The following ADGRL2 variants were observed in gnomAD, a reference collection of about 807,000 sequenced individuals.
ADGRL2 encodes the protein calcium-independent alpha-latrotoxin receptor 2.
In ADGRL2, 44 loss-of-function variants were observed where a neutral mutation model predicts 157.4. That is an observed-to-expected ratio of 0.28 (90% CI 0.22 to 0.36). The LOEUF (loss-of-function observed/expected upper bound fraction) is 0.36, where lower values mean the gene tolerates loss of function less well. Ranked by LOEUF, ADGRL2 falls within the 10% of genes least tolerant of loss-of-function variation. The probability of loss-of-function intolerance (pLI) is 1.00; values close to 1 mark genes in which losing one functional copy is unlikely to be tolerated. For missense variants in ADGRL2, 1,510 were observed against 1,768.9 expected (o/e 0.85, Z 2.63); for synonymous variants, 585 against 624.7 (o/e 0.94, Z 0.95).
chr1:81,906,781 A>T (rs529104554), intron 2 of ADGRL2, among the ~76,000 whole-genome samples: 14 of 152,274 alleles, frequency 9.2e-5, no homozygotes, highest in African/African-American at 3.4e-4. Context: ...TTAGTTTCTG[A>T]TTATACAGAA....
At chr1:81,322,125 C>CACATATATAT (rs60155078) in intron 1 of ADGRL2, among the ~76,000 whole-genome samples, 7 of 119,620 alleles carry the variant, frequency 5.9e-5, no homozygotes, top group East Asian at 2.4e-4. Context: ...TATATATATA[C>CACATATATAT]ACACACACAC....
chr1:81,916,022 C>T (rs1042181205), intron 3 of ADGRL2, among the ~76,000 whole-genome samples: 2 of 152,096 alleles, frequency 1.3e-5, no homozygotes, highest in Admixed American at 1.3e-4. Context: ...TACACTAAAA[C>T]ATCGGTTTCT....
At chr1:81,948,237 A>G (rs1383038957) in intron 6 of ADGRL2, among the ~76,000 whole-genome samples, 1 of 141,696 alleles carries the variant, frequency 7.1e-6, no homozygotes, top group Non-Finnish European at 1.5e-5. Flanking sequence ...CAAAAACAAA[A>G]AGGTGAAAAG....
chr1:81,560,455 C>T (rs932212805), intron 2 of ADGRL2, among the ~76,000 whole-genome samples: 6 of 152,128 alleles, frequency 3.9e-5, no homozygotes, highest in East Asian at 1.9e-4. Flanking sequence ...TGTTCAATAG[C>T]GGCCTAGAGC....
intron 4 of ADGRL2, among the ~76,000 whole-genome samples, chr1:81,937,317 C>A (rs1317368411): frequency 6.6e-6 from 1 of 151,758 alleles, no homozygotes; most frequent in Admixed American, 6.6e-5. Context: ...TTTAAGGGAG[C>A]ATTTCTTTAT....
intron 2 of ADGRL2, among the ~76,000 whole-genome samples, chr1:81,857,981 G>A (rs1283807774): frequency 1.3e-5 from 2 of 151,768 alleles, no homozygotes; most frequent in South Asian, 2.1e-4. Context: ...AAAATGTATG[G>A]GAATGTATTT....
intron 2 of ADGRL2, among the ~76,000 whole-genome samples, chr1:81,555,606 A>T (rs1297874963): frequency 2.0e-5 from 3 of 151,988 alleles, no homozygotes; most frequent in Admixed American, 2.0e-4. Flanking sequence ...TTCGACAGAG[A>T]ATTTGAGGCG....
chr1:81,965,956 C>A, intron 11 of ADGRL2, 102 bp from the exon 12 acceptor site: 1 of 1,207,126 alleles, frequency 8.3e-7, no homozygotes, highest in Non-Finnish European at 1.1e-6. Context: ...TTTAAGTAGG[C>A]AAAAAGAAAA....
chr1:81,632,836 G>A (rs895581884), intron 3 of ADGRL2, among the ~76,000 whole-genome samples: 11 of 152,158 alleles, frequency 7.2e-5, no homozygotes, highest in Admixed American at 3.3e-4. Context: ...GGCAGGGGCC[G>A]GATTAGGGAC....
chr1:81,979,767 T>C lies in ADGRL2; in HGVS notation c.3022-102T>C, dbSNP rs1223595300. The C allele has an allele frequency of 2.9e-5, 19 of 660,184 alleles. No individual in the cohort carries two copies. In the East Asian group the frequency reaches 3.2e-4, roughly 11 times the overall value. 40.9% of individuals were successfully genotyped at this position (660,184 alleles called of 1,614,324 possible). Reference sequence around the variant, plus strand: ...ATCATTGCATACATAAAAAAAATTATATCAGTATCTTCCATATAAACATGG... The same window carrying C: ...ATCATTGCATACATAAAAAAAATTACATCAGTATCTTCCATATAAACATGG... On this transcript the variant is annotated intron_variant, in intron 17 of 23. Transcript: ENST00000686636.
intron 1 of ADGRL2, among the ~76,000 whole-genome samples, chr1:81,390,653 C>T (rs2076528043): frequency 6.6e-6 from 1 of 152,302 alleles, no homozygotes; most frequent in South Asian, 2.1e-4. Flanking sequence ...TGTAGTTTTT[C>T]ATACAGAAAG....
intron 1 of ADGRL2, among the ~76,000 whole-genome samples, chr1:81,324,471 T>C (rs986244696): frequency 2.0e-5 from 3 of 150,630 alleles, no homozygotes; most frequent in East Asian, 1.9e-4. Context: ...ATTGCGCTAC[T>C]GAACTCTAGC....
At chr1:81,646,130 G>T (rs2082311830) in intron 3 of ADGRL2, among the ~76,000 whole-genome samples, 1 of 152,066 alleles carries the variant, frequency 6.6e-6, no homozygotes, top group Admixed American at 6.5e-5. Context: ...ACCTTTGTGG[G>T]GTTGTTTGTT....
At chr1:81,722,800 C>T in intron 1 of ADGRL2, 1 of 723,422 alleles carries the variant, frequency 1.4e-6, no homozygotes. Flanking sequence ...AGCCAGACCA[C>T]AGTCAGAAGC....
At chr1:81,679,546 A>G (rs890436941) in intron 3 of ADGRL2, among the ~76,000 whole-genome samples, 44 of 152,360 alleles carry the variant, frequency 2.9e-4, no homozygotes, top group African/African-American at 1.0e-3. Flanking sequence ...ATTAAAAGCC[A>G]GGAAGCCTAT....
intron 3 of ADGRL2, among the ~76,000 whole-genome samples, chr1:81,607,402 A>G (rs2081456094): frequency 6.6e-6 from 1 of 152,220 alleles, no homozygotes; most frequent in Non-Finnish European, 1.5e-5. Flanking sequence ...ATACACAGCC[A>G]AGTGTGATAA....
intron 2 of ADGRL2, chr1:81,557,855 C>T (rs1452190927): frequency 6.6e-6 from 1 of 152,188 alleles, no homozygotes; most frequent in Admixed American, 6.5e-5. Context: ...TGGAAGGAGC[C>T]CACTCTTAGC....
intron 1 of ADGRL2, among the ~76,000 whole-genome samples, chr1:81,390,943 G>A (rs1239228829): frequency 6.6e-6 from 1 of 152,296 alleles, no homozygotes; most frequent in Non-Finnish European, 1.5e-5. Flanking sequence ...TGCTTTTGCA[G>A]CTGCTGCGTC....
intron 2 of ADGRL2, among the ~76,000 whole-genome samples, chr1:81,528,803 T>G (rs1323579802): frequency 1.3e-5 from 2 of 152,198 alleles, no homozygotes; most frequent in East Asian, 1.9e-4. Context: ...CATTGTTGGC[T>G]GATGCAGAGG....
Sources: allele counts gnomAD v4.1 joint callset (sites outside exome capture counted in the v4.1 genomes callset), GRCh38; gene constraint gnomAD v4.1.1; transcripts MANE v1.5; gene names NCBI Gene and HGNC (gene_info 2026-07-23, HGNC 2026-07-21).